Variants in DPP4 observed in about 807,000 individuals in gnomAD.
The protein encoded by DPP4 is dipeptidyl peptidase 4.
A neutral mutation model predicts 122.4 loss-of-function variants in DPP4; 93 were observed. The observed-to-expected ratio is 0.76, with a 90% CI of 0.64 to 0.90. DPP4 has a LOEUF of 0.90. Ranked by LOEUF, DPP4 falls within the 40% of genes least tolerant of loss-of-function variation. DPP4 has a pLI of 0.00. For missense variants in DPP4, 914 were observed against 907.3 expected (o/e 1.01, Z -0.09); for synonymous variants, 321 against 302.9 (o/e 1.06, Z -0.62).
At chr2:162,045,487 C>T in intron 5 of DPP4, 45 bp downstream of exon 5, 1 of 1,416,910 alleles carries the variant, frequency 7.1e-7, no homozygotes, top group Non-Finnish European at 1.0e-6. Flanking sequence ...ACATAGCATA[C>T]TCTTGGATTA....
At chr2:162,039,598 A>G (rs912804666) in intron 5 of DPP4, among the ~76,000 whole-genome samples, 3 of 152,144 alleles carry the variant, frequency 2.0e-5, no homozygotes, top group African/African-American at 7.2e-5. Context: ...TTAACTTCAT[A>G]CACTGATGAT....
chr2:162,040,867 A>C (rs1035407186), intron 5 of DPP4, among the ~76,000 whole-genome samples: 1 of 152,038 alleles, frequency 6.6e-6, no homozygotes. Context: ...AGTATATGGG[A>C]ACTCTCTGCT....
chr2:162,042,370 C>T (rs1202496962), intron 5 of DPP4, among the ~76,000 whole-genome samples: 2 of 152,098 alleles, frequency 1.3e-5, no homozygotes, highest in East Asian at 3.9e-4. Context: ...ACATTCATAC[C>T]AGACTGTGGG....
intron 2 of DPP4, among the ~76,000 whole-genome samples, chr2:162,050,949 T>G (rs1684361962): frequency 6.6e-6 from 1 of 152,228 alleles, no homozygotes; most frequent in Non-Finnish European, 1.5e-5. Flanking sequence ...TAGTTCGGCC[T>G]GGGACATGTT....
intron 5 of DPP4, among the ~76,000 whole-genome samples, chr2:162,045,301 A>G (rs2302874): frequency 0.038 from 5,771 of 152,258 alleles, 244 homozygotes; most frequent in African/African-American, 0.097. Context: ...TATTAGAACA[A>G]TATAATATTA....
At chr2:162,023,318 G>C (rs1250673202) in intron 11 of DPP4, among the ~76,000 whole-genome samples, 1 of 152,066 alleles carries the variant, frequency 6.6e-6, no homozygotes, top group Non-Finnish European at 1.5e-5. Flanking sequence ...GCTCTTCTCT[G>C]CTGACCTTAG....
chr2:162,038,823 AATAACACTATGTTCT>A, intron 7 of DPP4, 111 bp downstream of exon 7: 2 of 832,466 alleles, frequency 2.4e-6, no homozygotes, highest in Non-Finnish European at 3.9e-6. Context: ...GATCCTGGGC[AATAACACTATGTTCT>A]ATAGTGAAGT....
At chr2:162,004,728 A>T (rs1701238105) in intron 23 of DPP4, among the ~76,000 whole-genome samples, 1 of 152,242 alleles carries the variant, frequency 6.6e-6, no homozygotes, top group East Asian at 1.9e-4. Context: ...AGATGACTTC[A>T]GCATCCATAG....
chr2:162,040,061 CAA>C (rs1326830585), intron 5 of DPP4, among the ~76,000 whole-genome samples: 1 of 151,724 alleles, frequency 6.6e-6, no homozygotes, highest in Non-Finnish European at 1.5e-5. Context: ...TAGAGAAAAG[CAA>C]AAAATTTCTT....
chr2:162,022,738 C>A lies in DPP4; in HGVS notation c.1068+17G>T, dbSNP rs1386122926. 8 of 1,613,822 alleles carry A rather than the reference C, an allele frequency of 5.0e-6. No individual in the cohort carries two copies. The East Asian group carries it at 8.9e-5, about 18-fold the overall frequency. ...TAGCTGACTCATCCATAAAACCCCA[C>A]AACTTATAACACTTACTCTTCCAAC... On this transcript the variant is annotated intron_variant, in intron 12 of 25. Coordinates refer to ENST00000360534, the MANE Select transcript of DPP4 (RefSeq NM_001935.4).
At chr2:162,059,170 A>T (rs565534964) in intron 2 of DPP4, among the ~76,000 whole-genome samples, 1 of 152,084 alleles carries the variant, frequency 6.6e-6, no homozygotes, top group South Asian at 2.1e-4. Context: ...TATCATGCAG[A>T]GTCAGGAAGC....
At chr2:162,010,874 T>C (rs1682679173) in intron 20 of DPP4, among the ~76,000 whole-genome samples, 1 of 152,146 alleles carries the variant, frequency 6.6e-6, no homozygotes. Flanking sequence ...TCCTAGTCTA[T>C]GATTTCATAA....
chr2:162,019,425 C>T (rs1429090492), intron 14 of DPP4, 149 bp from the exon 15 acceptor site: 2 of 527,576 alleles, frequency 3.8e-6, no homozygotes, highest in Middle Eastern at 3.5e-4. Flanking sequence ...TGTCCCTCAC[C>T]CCCGAGAAGC....
chr2:162,031,706 C>A (rs575386288), intron 10 of DPP4, among the ~76,000 whole-genome samples: 1 of 152,264 alleles, frequency 6.6e-6, no homozygotes, highest in East Asian at 1.9e-4. Context: ...CCCATGTTCT[C>A]CTCCTCAGAA....
chr2:162,074,132 C>A lies in DPP4; in HGVS notation c.-151G>T, dbSNP rs1685226844. On this transcript the variant is annotated 5_prime_UTR_variant, in exon 1 of 26. Coordinates refer to ENST00000360534, the MANE Select transcript of DPP4 (RefSeq NM_001935.4). Reference sequence around the variant, plus strand: ...CGGCCCCGAGTTAAACATTAGTGAGCGCCGAGCCCGCTGGGTATAAAGGCG... The same window carrying A: ...CGGCCCCGAGTTAAACATTAGTGAGAGCCGAGCCCGCTGGGTATAAAGGCG... 7.1e-7 allele frequency: 1 copy of A among 1,400,312 alleles called. No homozygotes were observed. The highest frequency in any genetic ancestry group is 9.3e-7 in the Non-Finnish European group (1 of 1,077,384). 86.7% of individuals were successfully genotyped at this position (1,400,312 alleles called of 1,614,324 possible). A position where few individuals can be genotyped will look rare whatever the true frequency, so the allele number is the denominator to read the frequency against.
chr2:162,007,844 A>T (rs574011154), intron 22 of DPP4, among the ~76,000 whole-genome samples: 7 of 152,232 alleles, frequency 4.6e-5, no homozygotes, highest in African/African-American at 1.7e-4. Flanking sequence ...GGGTACTACC[A>T]TATTTCTGGA....
intron 13 of DPP4, 104 bp downstream of exon 13, chr2:162,020,477 T>C: frequency 9.4e-7 from 1 of 1,062,670 alleles, no homozygotes; most frequent in Non-Finnish European, 1.4e-6. Flanking sequence ...ATTAATCTGA[T>C]TTTTATACAC....
intron 2 of DPP4, among the ~76,000 whole-genome samples, chr2:162,061,848 G>A (rs890089515): frequency 2.6e-5 from 4 of 152,172 alleles, no homozygotes; most frequent in Non-Finnish European, 5.9e-5. Context: ...AACTGGGGGA[G>A]ACATAGGAAC....
chr2:162,041,187 T>C (rs1683972786), intron 5 of DPP4, among the ~76,000 whole-genome samples: 1 of 152,180 alleles, frequency 6.6e-6, no homozygotes, highest in Non-Finnish European at 1.5e-5. Context: ...TATGATCACA[T>C]ATTTGCATTT....
Sources: allele counts gnomAD v4.1 joint callset (sites outside exome capture counted in the v4.1 genomes callset), GRCh38; gene constraint gnomAD v4.1.1; transcripts MANE v1.5; gene names NCBI Gene and HGNC (gene_info 2026-07-23, HGNC 2026-07-21).